The following NBAS variants were observed in gnomAD, a reference collection of about 807,000 sequenced individuals.
NBAS encodes NBAS subunit of NRZ tethering complex.
Under a neutral mutation model 302.5 loss-of-function variants are expected in NBAS, and 219 were observed. The observed-to-expected ratio is 0.72, with a 90% CI of 0.65 to 0.81. The LOEUF is 0.81. Ranked by LOEUF, NBAS falls within the 30% of genes least tolerant of loss-of-function variation. The probability of loss-of-function intolerance (pLI) is 0.00; values close to 1 mark genes in which losing one functional copy is unlikely to be tolerated. For synonymous variants in NBAS, 1,118 were observed against 1,021.6 expected, an observed-to-expected ratio of 1.09 and a Z score of -1.80; for missense variants, 2,932 against 2,841.6, an observed-to-expected ratio of 1.03 and a Z score of -0.72.
the NBAS span, among the ~76,000 whole-genome samples, chr2:14,852,396 G>A: frequency 1.3e-5 from 1 of 78,372 alleles, no homozygotes; most frequent in African/African-American, 6.7e-5. Context: ...ACCTCTTCAA[G>A]GAGAACTACA....
At chr2:15,340,281 C>A (rs1305450244) in intron 35 of NBAS, among the ~76,000 whole-genome samples, 4 of 152,062 alleles carry the variant, frequency 2.6e-5, no homozygotes, top group Admixed American at 6.5e-5. Flanking sequence ...TAAAATGGAG[C>A]CCAATTCTGA....
At chr2:14,872,551 T>C in the NBAS span, among the ~76,000 whole-genome samples, 1 of 152,228 alleles carries the variant, frequency 6.6e-6, no homozygotes, top group African/African-American at 2.4e-5. Context: ...TATTTGGAAG[T>C]GTCTGGAGTT....
the NBAS span, among the ~76,000 whole-genome samples, chr2:14,861,482 C>A: frequency 6.6e-6 from 1 of 152,198 alleles, no homozygotes; most frequent in Non-Finnish European, 1.5e-5. Flanking sequence ...GATGAAAATG[C>A]ACATGCCAGT....
the NBAS span, among the ~76,000 whole-genome samples, chr2:14,820,189 T>A: frequency 2.0e-5 from 3 of 152,190 alleles, no homozygotes; most frequent in Non-Finnish European, 4.4e-5. Flanking sequence ...AGGAAATCAG[T>A]GTATCAAGGA....
intron 31 of NBAS, among the ~76,000 whole-genome samples, chr2:15,371,672 G>A (rs1368759688): frequency 6.6e-6 from 1 of 152,116 alleles, no homozygotes; most frequent in Non-Finnish European, 1.5e-5. Context: ...TTATCAGTGT[G>A]GTAGCCCTGT....
chr2:14,784,352 T>A, the NBAS span, among the ~76,000 whole-genome samples: 1 of 152,242 alleles, frequency 6.6e-6, no homozygotes. Flanking sequence ...TTGGCTTTTG[T>A]TGCCACTGCT....
At chr2:15,071,137 G>A in the NBAS span, among the ~76,000 whole-genome samples, 6 of 152,176 alleles carry the variant, frequency 3.9e-5, no homozygotes, top group Admixed American at 3.9e-4. Flanking sequence ...AAGGGCCTAT[G>A]TTCCCAACCC....
At chr2:15,006,699 G>T in the NBAS span, among the ~76,000 whole-genome samples, 1 of 152,106 alleles carries the variant, frequency 6.6e-6, no homozygotes, top group African/African-American at 2.4e-5. Context: ...TTAAAAATAC[G>T]ATTTTTAAAA....
intron 35 of NBAS, among the ~76,000 whole-genome samples, chr2:15,337,560 G>T (rs1006955075): frequency 6.6e-6 from 1 of 152,160 alleles, no homozygotes; most frequent in African/African-American, 2.4e-5. Flanking sequence ...CTGTCCAAAT[G>T]GATGGGCTAG....
chr2:15,251,611 T>G (rs1668368288), intron 44 of NBAS, among the ~76,000 whole-genome samples: 1 of 152,190 alleles, frequency 6.6e-6, no homozygotes, highest in African/African-American at 2.4e-5. Flanking sequence ...TAGGGGTGTA[T>G]TATTCATGTC....
At chr2:15,105,830 G>T in the NBAS span, among the ~76,000 whole-genome samples, 1 of 152,012 alleles carries the variant, frequency 6.6e-6, no homozygotes. Flanking sequence ...TTTCTCCCCT[G>T]GTCCTTCAAG....
At chr2:15,523,051 T>C (rs1662752245) in intron 9 of NBAS, among the ~76,000 whole-genome samples, 1 of 152,230 alleles carries the variant, frequency 6.6e-6, no homozygotes, top group South Asian at 2.1e-4. Flanking sequence ...ATTCAACCTA[T>C]GGCACATATC....
the NBAS span, among the ~76,000 whole-genome samples, chr2:15,048,895 T>C: frequency 6.6e-6 from 1 of 152,078 alleles, no homozygotes; most frequent in Non-Finnish European, 1.5e-5. Context: ...TGAGGCACTG[T>C]GGTCAGTGTG....
the NBAS span, among the ~76,000 whole-genome samples, chr2:15,053,889 G>T: frequency 6.6e-6 from 1 of 151,658 alleles, no homozygotes; most frequent in Non-Finnish European, 1.5e-5. Flanking sequence ...TTCTTTCTGA[G>T]TCACACTTCA....
the NBAS span, among the ~76,000 whole-genome samples, chr2:14,811,449 G>C: frequency 0.4 from 61,513 of 151,924 alleles, 13,094 homozygotes; most frequent in African/African-American, 0.53. Flanking sequence ...TCCATTTTTA[G>C]ACAGTGGTTC....
At chr2:15,232,267 G>A (rs1440943986) in intron 47 of NBAS, among the ~76,000 whole-genome samples, 155 bp downstream of exon 47, 1 of 152,140 alleles carries the variant, frequency 6.6e-6, no homozygotes, top group African/African-American at 2.4e-5. Context: ...TCAGCACAGA[G>A]CTAAGAATAC....
chr2:15,531,753 C>T (rs2148675901), intron 9 of NBAS, among the ~76,000 whole-genome samples: 1 of 152,200 alleles, frequency 6.6e-6, no homozygotes, highest in South Asian at 2.1e-4. Context: ...TTTGGCTATT[C>T]CTGCTGATAG....
At chr2:15,204,082 T>C (rs1666024887) in intron 48 of NBAS, among the ~76,000 whole-genome samples, 1 of 151,976 alleles carries the variant, frequency 6.6e-6, no homozygotes, top group Admixed American at 6.6e-5. Flanking sequence ...AGCAACATAG[T>C]GAGACCCCAT....
At chr2:15,546,486 T>C (rs561604620) in intron 6 of NBAS, among the ~76,000 whole-genome samples, 1 of 152,282 alleles carries the variant, frequency 6.6e-6, no homozygotes, top group African/African-American at 2.4e-5. Context: ...CCCAGCACTT[T>C]GGGAGACCAA....
Sources: allele counts gnomAD v4.1 joint callset (sites outside exome capture counted in the v4.1 genomes callset), GRCh38; gene constraint gnomAD v4.1.1; transcripts MANE v1.5; gene names NCBI Gene and HGNC (gene_info 2026-07-23, HGNC 2026-07-21).